SLC22A23: variants seen among roughly 807,000 people sequenced by gnomAD.
SLC22A23 encodes the protein ion transporter protein.
Under a neutral mutation model 61.0 loss-of-function variants are expected in SLC22A23, and 26 were observed. That is an observed-to-expected ratio of 0.43 (90% CI 0.31 to 0.59). The LOEUF is 0.59. SLC22A23 is among the 20% of genes least tolerant of loss of function. SLC22A23 has a pLI of 0.11. For synonymous variants in SLC22A23, 430 were observed against 413.9 expected, an observed-to-expected ratio of 1.04 and a Z score of -0.47; for missense variants, 796 against 934.7, an observed-to-expected ratio of 0.85 and a Z score of 1.94.
chr6:3,290,893 C>T (rs933707844), intron 5 of SLC22A23: 3 of 152,302 alleles, frequency 2.0e-5, no homozygotes, highest in African/African-American at 7.2e-5. Context: ...GGAGGGGAAC[C>T]AGGACTCTTC....
intron 1 of SLC22A23, among the ~76,000 whole-genome samples, chr6:3,443,658 C>A (rs17250880): frequency 0.16 from 24,011 of 152,110 alleles, 2,087 homozygotes; most frequent in Non-Finnish European, 0.19. Context: ...GAAGAACAGC[C>A]GGAACCATAT....
rs553641586 is a variant in SLC22A23, at chr6:3,421,972, T to C, written c.655-6117A>G. Reference sequence around the variant, plus strand: ...TTTTTTAGGGAAGTGAATGAAAATTTTCCCCCAAGTTTCATCTTTTGTAGT... The same window carrying C: ...TTTTTTAGGGAAGTGAATGAAAATTCTCCCCCAAGTTTCATCTTTTGTAGT... On this transcript the variant is annotated intron_variant, in intron 1 of 9. Transcript: ENST00000406686. Among the ~76,000 whole-genome samples the C allele has an allele frequency of 5.3e-5, 8 of 152,280 alleles. No individual in the cohort carries two copies. The South Asian group carries it at 1.7e-3, about 32-fold the overall frequency.
intron 1 of SLC22A23, among the ~76,000 whole-genome samples, chr6:3,430,555 G>A (rs1770791728): frequency 6.6e-6 from 1 of 152,204 alleles, no homozygotes; most frequent in Admixed American, 6.5e-5. Context: ...GTCACGTATT[G>A]AGTGCCACAC....
intron 4 of SLC22A23, among the ~76,000 whole-genome samples, chr6:3,321,020 T>C (rs891362807): frequency 1.3e-5 from 2 of 152,220 alleles, no homozygotes; most frequent in Non-Finnish European, 2.9e-5. Flanking sequence ...AACCCCATTA[T>C]TGACCACAAT....
intron 3 of SLC22A23, among the ~76,000 whole-genome samples, chr6:3,377,638 C>T (rs918043289): frequency 7.4e-5 from 11 of 149,472 alleles, no homozygotes; most frequent in Admixed American, 1.3e-4. Flanking sequence ...CCCTCCAAGT[C>T]TCGCACTGAA....
At position 3,283,928 on chromosome 6, in the gene SLC22A23, C is replaced by A; in HGVS notation, c.1627G>T (p.Val543Leu). Residue 543 changes from valine to leucine, a missense_variant, in exon 9 of 10, where the codon GTG (valine) becomes TTG (leucine). Transcript: ENST00000406686. ...ACCGCATGGGAGGCAAACATGCCCA[C>A]GATGGAAAACGCGATGGAAAATTTG... ...KDKFSIAFSI[V>L]GMFASHAVGS... The A allele has an allele frequency of 6.2e-7, 1 of 1,609,116 alleles. No individual in the cohort carries two copies. The highest frequency in any genetic ancestry group is 8.5e-7 in the Non-Finnish European group (1 of 1,175,864).
chr6:3,385,738 C>T (rs570593313), intron 3 of SLC22A23, among the ~76,000 whole-genome samples: 1 of 152,314 alleles, frequency 6.6e-6, no homozygotes, highest in South Asian at 2.1e-4. Flanking sequence ...ATGCTCAGTG[C>T]CAGCCACTCC....
At chr6:3,351,905 G>C (rs1764791167) in intron 3 of SLC22A23, among the ~76,000 whole-genome samples, 1 of 152,228 alleles carries the variant, frequency 6.6e-6, no homozygotes, top group Non-Finnish European at 1.5e-5. Context: ...CTGCAGTCAT[G>C]GGGACCACCT....
chr6:3,450,568 G>A lies in SLC22A23; in HGVS notation c.654+5338C>T, dbSNP rs751993361. Reference sequence around the variant, plus strand: ...GATCCGCCCGCCTCGGCCTCCCAAAGTGCTGGCATTACAGGCGTGAGCCAC... The same window carrying A: ...GATCCGCCCGCCTCGGCCTCCCAAAATGCTGGCATTACAGGCGTGAGCCAC... On this transcript the variant is annotated intron_variant, in intron 1 of 9. Transcript: ENST00000406686. Among the ~76,000 whole-genome samples the A allele has an allele frequency of 2.6e-5, 4 of 152,230 alleles. No individual in the cohort carries two copies. The South Asian group carries it at 6.2e-4, about 24-fold the overall frequency.
chr6:3,329,185 A>G lies in SLC22A23; in HGVS notation c.914-5183T>C, dbSNP rs1763445576. On this transcript the variant is annotated intron_variant, in intron 3 of 9. Transcript: ENST00000406686. The surrounding 1 kb of genome is among the most constrained non-coding windows in gnomAD (Gnocchi z 4.8). ...CACCTCCCTCATCCCCCACAAACAC[A>G]CACACCGATCTAACTGTTCATTGGA... 6.6e-6 allele frequency among the ~76,000 whole-genome samples: 1 copy of G among 151,852 alleles called. No homozygotes were observed.
intron 2 of SLC22A23, 102 bp downstream of exon 2, chr6:3,415,650 G>GA (rs1208124885): frequency 2.4e-6 from 2 of 821,406 alleles, no homozygotes; most frequent in African/African-American, 3.4e-5. Flanking sequence ...CTGGCACTGG[G>GA]AAAAGACAGT....
At chr6:3,379,365 C>T (rs1373614170) in intron 3 of SLC22A23, among the ~76,000 whole-genome samples, 2 of 152,156 alleles carry the variant, frequency 1.3e-5, no homozygotes, top group African/African-American at 4.8e-5. Context: ...CAAAAAACCA[C>T]CTAATGCTCC....
intron 3 of SLC22A23, among the ~76,000 whole-genome samples, chr6:3,334,158 T>C (rs1417090145): frequency 6.6e-6 from 1 of 152,238 alleles, no homozygotes; most frequent in African/African-American, 2.4e-5. Context: ...GGATGTTGGC[T>C]GTTTTTATTT....
intron 1 of SLC22A23, among the ~76,000 whole-genome samples, chr6:3,420,284 A>G (rs1561969406): frequency 6.6e-6 from 1 of 152,054 alleles, no homozygotes; most frequent in Non-Finnish European, 1.5e-5. Context: ...TATATAGTTT[A>G]AGGATAAGCT....
rs1002219635 is a variant in SLC22A23 at position 3,321,155 on chromosome 6, T to C, written c.1082+2679A>G. ...TCCCTTCAGACTGCCCCTCCATGCA[T>C]ATGTTTTCCGTGCGTTATTTCAGTC... On this transcript the variant is annotated intron_variant, in intron 4 of 9. Transcript: ENST00000406686. Among the ~76,000 whole-genome samples the C allele has an allele frequency of 2.6e-5, 4 of 152,166 alleles. No homozygotes were observed. The East Asian group carries it at 7.7e-4, about 29-fold the overall frequency.
intron 3 of SLC22A23, among the ~76,000 whole-genome samples, chr6:3,409,642 T>C (rs1016913684): frequency 3.3e-5 from 5 of 152,182 alleles, no homozygotes; most frequent in Admixed American, 1.3e-4. Flanking sequence ...AACCTAACTA[T>C]ATTCAGCAGA....
intron 1 of SLC22A23, among the ~76,000 whole-genome samples, chr6:3,441,932 G>T (rs1455374076): frequency 1.3e-5 from 2 of 152,180 alleles, no homozygotes; most frequent in African/African-American, 4.8e-5. Context: ...GGCACGGGAG[G>T]GATGGAGGGA....
In SLC22A23 at chr6:3,271,520, CGGTT is replaced by C. The variant is rs1365471857; in HGVS notation, c.*1531_*1534del. On this transcript the variant is annotated 3_prime_UTR_variant, in exon 10 of 10. Coordinates refer to ENST00000406686, the MANE Select transcript of SLC22A23 (RefSeq NM_015482.2). Reference sequence around the variant, plus strand: ...CTGCCCTGTGAATTCTAGCAACTGTCGGTTGGAAGTCACTTCATTGTCTCACCCA... The same window carrying C: ...CTGCCCTGTGAATTCTAGCAACTGTCGGAAGTCACTTCATTGTCTCACCCA... 1 of 152,364 alleles carries C rather than the reference CGGTT, an allele frequency of 6.6e-6. No homozygotes were observed. Among genetic ancestry groups the C allele is most frequent in the Non-Finnish European group, 1.5e-5 (1 of 68,040 alleles). The allele number at this position is 152,364 out of a possible 1,614,324, so 9.4% of individuals were successfully genotyped here. A position where few individuals can be genotyped will look rare whatever the true frequency, so the allele number is the denominator to read the frequency against.
rs780025738 is a variant in SLC22A23 at position 3,318,075 on chromosome 6, T to A, written c.1082+5759A>T. Among the ~76,000 whole-genome samples, 1 of 152,200 alleles carries A rather than the reference T, an allele frequency of 6.6e-6. No homozygotes were observed. Among genetic ancestry groups the A allele is most frequent in the African/African-American group, 2.4e-5 (1 of 41,448 alleles). On this transcript the variant is annotated intron_variant, in intron 4 of 9. Coordinates refer to ENST00000406686, the MANE Select transcript of SLC22A23 (RefSeq NM_015482.2). The surrounding 1 kb of genome is among the most constrained non-coding windows in gnomAD (Gnocchi z 4.3). ...CCCCCTGCCAAGTCCCTGTCCAGTC[T>A]CTGGGTGCATCATGCTGCTGCCACC...
Sources: gnomAD v4.1 joint callset for allele counts (sites outside exome capture counted in the v4.1 genomes callset) on GRCh38, gnomAD v4.1.1 for gene constraint, Gnocchi (gnomAD v3.1) non-coding constraint, MANE v1.5 for transcripts, NCBI Gene and HGNC (gene_info 2026-07-23, HGNC 2026-07-21) for gene names.